Variants in MARCHF1 observed in about 807,000 individuals in gnomAD.
The protein encoded by MARCHF1 is E3 ubiquitin-protein ligase MARCHF1.
In MARCHF1, 40 loss-of-function variants were observed where a neutral mutation model predicts 54.2. The ratio of observed to expected loss-of-function variants is 0.74; its 90% CI spans 0.57 to 0.96. The LOEUF (loss-of-function observed/expected upper bound fraction) is 0.96. Ranked by LOEUF, MARCHF1 falls within the 40% of genes least tolerant of loss-of-function variation. The pLI is 0.00. For synonymous variants in MARCHF1, 236 were observed against 236.3 expected (o/e 1.00, Z 0.01); for missense variants, 586 against 656.5 (o/e 0.89, Z 1.17).
intron 4 of MARCHF1, among the ~76,000 whole-genome samples, chr4:163,789,022 G>A (rs533242502): frequency 6.6e-6 from 1 of 151,998 alleles, no homozygotes; most frequent in African/African-American, 2.4e-5. Context: ...TTACTGAGAT[G>A]TTCTAATGGT....
At chr4:163,722,090 C>T (rs1186828944) in intron 4 of MARCHF1, among the ~76,000 whole-genome samples, 3 of 152,050 alleles carry the variant, frequency 2.0e-5, no homozygotes, top group African/African-American at 7.2e-5. Flanking sequence ...TGTGTTTGCT[C>T]TTGCTTCTCT....
At chr4:164,014,651 C>T (rs562794156) in intron 2 of MARCHF1, among the ~76,000 whole-genome samples, 2 of 152,196 alleles carry the variant, frequency 1.3e-5, no homozygotes, top group Non-Finnish European at 2.9e-5. Context: ...AAGAAACTCA[C>T]TTCACCTATA....
chr4:163,682,414 G>A (rs1744133863), intron 5 of MARCHF1, among the ~76,000 whole-genome samples: 1 of 152,212 alleles, frequency 6.6e-6, no homozygotes, highest in African/African-American at 2.4e-5. Context: ...TGTCTCTAGG[G>A]CACGGCAGAG....
chr4:164,011,836 C>G (rs1435727393), intron 2 of MARCHF1, among the ~76,000 whole-genome samples: 3 of 152,144 alleles, frequency 2.0e-5, no homozygotes, highest in Non-Finnish European at 4.4e-5. Context: ...AGGTAAGACA[C>G]TCTTGCATTG....
intron 5 of MARCHF1, among the ~76,000 whole-genome samples, chr4:163,696,652 A>G (rs1744644103): frequency 6.6e-6 from 1 of 152,182 alleles, no homozygotes; most frequent in Admixed American, 6.6e-5. Context: ...AAACCCTTAC[A>G]AAGTATTTTA....
intron 2 of MARCHF1, among the ~76,000 whole-genome samples, chr4:164,048,247 CT>C (rs1370049624): frequency 3.9e-5 from 6 of 151,998 alleles, no homozygotes; most frequent in Admixed American, 6.6e-5. Flanking sequence ...TTGTTTTACA[CT>C]TTAATCCTTT....
intron 1 of MARCHF1, among the ~76,000 whole-genome samples, chr4:164,191,017 G>T (rs1411009312): frequency 6.6e-6 from 1 of 152,180 alleles, no homozygotes; most frequent in East Asian, 1.9e-4. Flanking sequence ...TTCCCTCAAT[G>T]GTCAGCTGAC....
intron 2 of MARCHF1, among the ~76,000 whole-genome samples, chr4:164,032,568 T>C (rs897551518): frequency 2.6e-5 from 4 of 152,176 alleles, no homozygotes; most frequent in African/African-American, 4.8e-5. Flanking sequence ...ACTTCTTGAT[T>C]TCTACCTTAA....
At chr4:163,926,387 T>A (rs764135706) in intron 3 of MARCHF1, among the ~76,000 whole-genome samples, 3 of 151,712 alleles carry the variant, frequency 2.0e-5, no homozygotes, top group Non-Finnish European at 4.4e-5. Flanking sequence ...CCATTAACTG[T>A]TATTGGACAT....
intron 4 of MARCHF1, among the ~76,000 whole-genome samples, chr4:163,793,390 C>A (rs1358217379): frequency 2.0e-5 from 3 of 152,114 alleles, no homozygotes; most frequent in African/African-American, 7.2e-5. Context: ...AGTTGGGAAA[C>A]AAAGATAGGG....
rs577345708 is a variant in MARCHF1 at position 163,607,613 on chromosome 4, C to T, written c.1010+4658G>A. Among the ~76,000 whole-genome samples, 6 of 152,148 alleles carry T rather than the reference C, an allele frequency of 3.9e-5. No individual in the cohort carries two copies. The South Asian group carries it at 1.2e-3, about 32-fold the overall frequency. ...AACAATGTGAAGTACAGGAATGTAA[C>T]CTAGTCATGCTTTGTGTCAGCATTC... On this transcript the variant is annotated intron_variant, in intron 7 of 9. Transcript: ENST00000514618.
intron 1 of MARCHF1, among the ~76,000 whole-genome samples, chr4:164,349,778 C>A (rs1730224930): frequency 6.6e-6 from 1 of 152,092 alleles, no homozygotes; most frequent in African/African-American, 2.4e-5. Context: ...AATATTTCTT[C>A]AGCACTTGAG....
intron 1 of MARCHF1, among the ~76,000 whole-genome samples, chr4:164,194,603 T>C (rs922871348): frequency 6.6e-6 from 1 of 152,310 alleles, no homozygotes; most frequent in Non-Finnish European, 1.5e-5. Context: ...TGTCATCTTA[T>C]AATAAAATTT....
At chr4:164,072,192 A>G (rs1343105184) in intron 2 of MARCHF1, among the ~76,000 whole-genome samples, 1 of 152,210 alleles carries the variant, frequency 6.6e-6, no homozygotes, top group Non-Finnish European at 1.5e-5. Flanking sequence ...TGCCGATATT[A>G]CGTCGTAATT....
chr4:164,164,681 G>A (rs1239464244), intron 1 of MARCHF1, among the ~76,000 whole-genome samples: 6 of 151,984 alleles, frequency 3.9e-5, no homozygotes, highest in Admixed American at 2.0e-4. Flanking sequence ...AGAAAATAGT[G>A]TTTCAATGAC....
intron 4 of MARCHF1, among the ~76,000 whole-genome samples, chr4:163,758,716 T>C (rs1746747250): frequency 6.6e-6 from 1 of 152,208 alleles, no homozygotes; most frequent in Non-Finnish European, 1.5e-5. Context: ...CTGTCCACCT[T>C]GACACCTTGA....
At chr4:164,327,384 G>A (rs930075838) in intron 1 of MARCHF1, among the ~76,000 whole-genome samples, 5 of 152,156 alleles carry the variant, frequency 3.3e-5, no homozygotes, top group African/African-American at 1.2e-4. Flanking sequence ...AGTGATGAGA[G>A]AATGAAGCCT....
chr4:163,760,391 A>C (rs1395662881), intron 4 of MARCHF1, among the ~76,000 whole-genome samples: 1 of 152,188 alleles, frequency 6.6e-6, no homozygotes, highest in Non-Finnish European at 1.5e-5. Context: ...TAACACAGTC[A>C]CAAGTTTTAC....
chr4:163,628,008 T>C (rs1313509102), intron 5 of MARCHF1, among the ~76,000 whole-genome samples: 2 of 152,110 alleles, frequency 1.3e-5, no homozygotes, highest in Non-Finnish European at 2.9e-5. Context: ...AAAATCTTTG[T>C]GATCTTGGAG....
Sources: gnomAD v4.1 joint callset for allele counts (sites outside exome capture counted in the v4.1 genomes callset) on GRCh38, gnomAD v4.1.1 for gene constraint, MANE v1.5 for transcripts, NCBI Gene and HGNC (gene_info 2026-07-23, HGNC 2026-07-21) for gene names.